The following MAPK8IP3 variants were observed in gnomAD, a reference collection of about 807,000 sequenced individuals.
MAPK8IP3 encodes the protein mitogen-activated protein kinase 8 interacting protein 3.
Under a neutral mutation model 157.8 loss-of-function variants are expected in MAPK8IP3, and 49 were observed. That is an observed-to-expected ratio of 0.31 (90% CI 0.25 to 0.39). MAPK8IP3 has a LOEUF of 0.39. MAPK8IP3 is among the 10% of genes least tolerant of loss of function. The pLI is 1.00. For synonymous variants in MAPK8IP3, 897 were observed against 777.7 expected (o/e 1.15, Z -2.55); for missense variants, 1,478 against 1,889.4 (o/e 0.78, Z 4.04).
rs894380768 is a variant in MAPK8IP3 at position 1,710,980 on chromosome 16, G to A, written c.318+4323G>A. ...CCAGAGAGAACACGGGACAGAGGCC[G>A]AAGTGGCCCGGAGGCCGCTGGGCGC... is the stretch of plus-strand genomic sequence containing the variant. On this transcript the variant is annotated intron_variant, in intron 1 of 31. Coordinates refer to ENST00000610761, the MANE Select transcript of MAPK8IP3 (RefSeq NM_001318852.2). This position sits in a 1 kb window ranked among gnomAD's most constrained non-coding sequence, Gnocchi z 4.1. Among the ~76,000 whole-genome samples the A allele has an allele frequency of 6.6e-6, 1 of 152,198 alleles. No individual in the cohort carries two copies. Among genetic ancestry groups the A allele is most frequent in the Non-Finnish European group, 1.5e-5 (1 of 68,030 alleles).
At chr16:1,729,234 G>A in intron 3 of MAPK8IP3, 26 bp downstream of exon 3, 2 of 1,613,196 alleles carry the variant, frequency 1.2e-6, no homozygotes, top group South Asian at 1.1e-5. Context: ...CAAGCGCGGA[G>A]ACGAGGGTTG....
chr16:1,735,945 T>TGA (rs1368472151), intron 4 of MAPK8IP3, among the ~76,000 whole-genome samples: 1 of 134,968 alleles, frequency 7.4e-6, no homozygotes, highest in African/African-American at 2.8e-5. Flanking sequence ...ACCGTCTGTG[T>TGA]GAGTGTGACC....
intron 4 of MAPK8IP3, among the ~76,000 whole-genome samples, chr16:1,738,474 GCATC>G (rs1378532093): frequency 8.5e-6 from 1 of 117,932 alleles, no homozygotes; most frequent in Non-Finnish European, 1.7e-5. Flanking sequence ...GTCCGTGTGA[GCATC>G]CGTGTGAGCG....
intron 10 of MAPK8IP3, 130 bp from the exon 11 acceptor site, chr16:1,759,828 C>A: frequency 1.3e-6 from 1 of 781,446 alleles, no homozygotes; most frequent in Non-Finnish European, 2.2e-6. Context: ...GGCCCCCGCT[C>A]CCTGTAGATC....
At chr16:1,733,565 G>A (rs2039454593) in intron 4 of MAPK8IP3, among the ~76,000 whole-genome samples, 1 of 152,232 alleles carries the variant, frequency 6.6e-6, no homozygotes, top group Non-Finnish European at 1.5e-5. Flanking sequence ...GGTGGCCCAG[G>A]AACCTGCTGT....
chr16:1,714,891 T>C (rs1391621733), intron 1 of MAPK8IP3, among the ~76,000 whole-genome samples: 2 of 152,154 alleles, frequency 1.3e-5, no homozygotes, highest in Non-Finnish European at 2.9e-5. Flanking sequence ...CTCCTAAGAA[T>C]GCACCAGAGA....
chr16:1,723,552 C>T (rs2038675894), intron 1 of MAPK8IP3, among the ~76,000 whole-genome samples: 1 of 152,072 alleles, frequency 6.6e-6, no homozygotes, highest in South Asian at 2.1e-4. Flanking sequence ...CCCAGGTGCT[C>T]AAGGCTGCAG....
chr16:1,738,123 CGT>C (rs1208991585), intron 4 of MAPK8IP3, among the ~76,000 whole-genome samples: 1 of 69,786 alleles, frequency 1.4e-5, no homozygotes, highest in Non-Finnish European at 2.5e-5. Context: ...TCCGTGTGAG[CGT>C]GACTGTCCGT....
chr16:1,745,682 T>C (rs145875888), intron 5 of MAPK8IP3: 3 of 152,392 alleles, frequency 2.0e-5, no homozygotes, highest in Middle Eastern at 3.4e-3. Context: ...CCCCCTTCAT[T>C]TGTGACCACA....
In MAPK8IP3 at chr16:1,706,408, G is replaced by C. The variant is rs1027153561; in HGVS notation, c.69G>C (p.Ser23=). The C allele has an allele frequency of 3.7e-6, 6 of 1,613,514 alleles. No homozygotes were observed. Among genetic ancestry groups the C allele is most frequent in the Non-Finnish European group, 5.1e-6 (6 of 1,179,876 alleles). The change falls in exon 1 of 32, where the codon TCG becomes TCC. Residue 23 remains serine, a synonymous_variant. Coordinates refer to ENST00000610761, the MANE Select transcript of MAPK8IP3 (RefSeq NM_001318852.2). The surrounding 1 kb of genome is among the most constrained non-coding windows in gnomAD (Gnocchi z 5.1). ...VVYQDDYCSG[S]VMSERVSGLA... is the part of the protein sequence containing the mutation. The stretch of plus-strand genomic sequence containing the variant: ...ACCAGGACGACTACTGCTCCGGCTC[G>C]GTGATGTCGGAGCGGGTGTCGGGCC...
chr16:1,715,457 C>T (rs2038084063), intron 1 of MAPK8IP3, among the ~76,000 whole-genome samples: 2 of 152,292 alleles, frequency 1.3e-5, no homozygotes, highest in East Asian at 1.9e-4. Flanking sequence ...ATGCGAGGTC[C>T]CTGCCCGTAC....
At chr16:1,761,407 C>T (rs2041931678) in intron 13 of MAPK8IP3, 102 bp downstream of exon 13, 4 of 1,023,450 alleles carry the variant, frequency 3.9e-6, no homozygotes, top group Non-Finnish European at 6.0e-6. Flanking sequence ...GACCACCATT[C>T]ACCATTCACA....
intron 4 of MAPK8IP3, among the ~76,000 whole-genome samples, chr16:1,736,541 CGT>C (rs1242039049): frequency 1.1e-3 from 58 of 53,630 alleles, no homozygotes; most frequent in Admixed American, 2.2e-3. Flanking sequence ...TGTGAGCATC[CGT>C]GTGAGCGTGT....
chr16:1,737,081 CGT>C (rs1396382345), intron 4 of MAPK8IP3, among the ~76,000 whole-genome samples: 1 of 69,226 alleles, frequency 1.4e-5, no homozygotes, highest in East Asian at 5.6e-4. Flanking sequence ...AGCGTGTGAC[CGT>C]CCGTGTGAGT....
intron 8 of MAPK8IP3, among the ~76,000 whole-genome samples, chr16:1,755,837 TGA>T (rs1457971187): frequency 4.0e-5 from 5 of 126,492 alleles, no homozygotes; most frequent in East Asian, 4.4e-4. Context: ...GGTGACAGAG[TGA>T]GAGTCTTTCT....
intron 1 of MAPK8IP3, among the ~76,000 whole-genome samples, chr16:1,717,100 T>A (rs556239126): frequency 1.4e-3 from 211 of 150,674 alleles, no homozygotes; most frequent in African/African-American, 5.0e-3. Flanking sequence ...TGGTGGTGGG[T>A]GCCTATAATC....
Position 1,742,122 on chromosome 16 carries a change from G to T in MAPK8IP3, c.603-1210G>T, listed in dbSNP as rs935472925. ...AGACTCTTAATTCTTGTCCTGAATA[G>T]CCCTGAGCAGTGTGGGCTCCAGCAT... On this transcript the variant is annotated intron_variant, in intron 4 of 31. Transcript: ENST00000610761. This position sits in a 1 kb window ranked among gnomAD's most constrained non-coding sequence, Gnocchi z 5.0. 1.3e-5 allele frequency among the ~76,000 whole-genome samples: 2 copies of T among 152,182 alleles called. No homozygotes were observed. The highest frequency in any genetic ancestry group is 4.8e-5 in the African/African-American group (2 of 41,438).
chr16:1,738,898 ACCAT>A (rs1171297920), intron 4 of MAPK8IP3, among the ~76,000 whole-genome samples: 1 of 122,306 alleles, frequency 8.2e-6, no homozygotes. Context: ...CATCTGTGTG[ACCAT>A]CCGTGTAGCA....
At chr16:1,736,433 CGT>C (rs369123990) in intron 4 of MAPK8IP3, among the ~76,000 whole-genome samples, 7 of 58,764 alleles carry the variant, frequency 1.2e-4, no homozygotes, top group South Asian at 1.9e-3. Flanking sequence ...TCCGTGTGAG[CGT>C]GTGACTGTCC....
Sources: gnomAD v4.1 joint callset for allele counts (sites outside exome capture counted in the v4.1 genomes callset) on GRCh38, gnomAD v4.1.1 for gene constraint, Gnocchi (gnomAD v3.1) non-coding constraint, MANE v1.5 for transcripts, NCBI Gene and HGNC (gene_info 2026-07-23, HGNC 2026-07-21) for gene names.